PLEKHG1: variants seen among roughly 807,000 people sequenced by gnomAD.
PLEKHG1 encodes pleckstrin homology and RhoGEF domain containing G1, also known as pleckstrin homology domain-containing family G member 1.
In PLEKHG1, 44 loss-of-function variants were observed where a neutral mutation model predicts 100.8. The ratio of observed to expected loss-of-function variants is 0.44; its 90% CI spans 0.34 to 0.56. The LOEUF (loss-of-function observed/expected upper bound fraction) is 0.56. PLEKHG1 is among the 20% of genes least tolerant of loss of function. The pLI is 0.01. For synonymous variants in PLEKHG1, 640 were observed against 662.5 expected (o/e 0.97, Z 0.52); for missense variants, 1,545 against 1,720.9 (o/e 0.90, Z 1.81).
intron 15 of PLEKHG1, among the ~76,000 whole-genome samples, 189 bp from the exon 17 acceptor site, chr6:150,839,644 A>G (rs1777408945): frequency 1.3e-5 from 2 of 152,210 alleles, no homozygotes; most frequent in Admixed American, 1.3e-4. Flanking sequence ...ATTTTTATTT[A>G]TATTAAACCA....
At chr6:150,726,027 T>C (rs1392730280) in intron 1 of PLEKHG1, among the ~76,000 whole-genome samples, 3 of 152,188 alleles carry the variant, frequency 2.0e-5, no homozygotes, top group African/African-American at 7.2e-5. Flanking sequence ...GAAGGGCAAA[T>C]GCCACCTGAC....
chr6:150,634,489 A>G (rs1777908777), intron 1 of PLEKHG1, among the ~76,000 whole-genome samples: 2 of 152,208 alleles, frequency 1.3e-5, no homozygotes. Flanking sequence ...GACTTCCACA[A>G]GAAAACCACA....
chr6:150,834,791 T>C (rs2128690960), intron 15 of PLEKHG1, among the ~76,000 whole-genome samples: 1 of 152,226 alleles, frequency 6.6e-6, no homozygotes, highest in East Asian at 1.9e-4. Flanking sequence ...GAGGAGGAAA[T>C]CTCTCCCGAG....
chr6:150,740,739 A>C (rs1342020470), intron 2 of PLEKHG1, among the ~76,000 whole-genome samples: 1 of 152,176 alleles, frequency 6.6e-6, no homozygotes, highest in East Asian at 1.9e-4. Context: ...TTTTATGTGA[A>C]TGTGTCTATT....
intron 3 of PLEKHG1, among the ~76,000 whole-genome samples, chr6:150,783,761 T>C (rs538744486): frequency 5.5e-4 from 84 of 152,342 alleles, no homozygotes; most frequent in Admixed American, 1.2e-3. Context: ...TTATGTTTTA[T>C]TATGTTTTGT....
At chr6:150,800,612 G>A in intron 5 of PLEKHG1, 107 bp from the exon 7 acceptor site, 2 of 1,018,592 alleles carry the variant, frequency 2.0e-6, no homozygotes, top group South Asian at 3.1e-5. Flanking sequence ...CACAGCTCTG[G>A]AGCTACCCTA....
intron 2 of PLEKHG1, among the ~76,000 whole-genome samples, chr6:150,750,400 G>A (rs745568804): frequency 1.6e-4 from 24 of 152,146 alleles, no homozygotes; most frequent in South Asian, 6.2e-4. Context: ...CTCTGGGGCC[G>A]GGGTCCGTTT....
chr6:150,652,668 C>T (rs1045617195), intron 3 of PLEKHG1, among the ~76,000 whole-genome samples: 9 of 148,758 alleles, frequency 6.1e-5, no homozygotes, highest in African/African-American at 1.2e-4. Context: ...TGCAGTGAGC[C>T]GAGATCGCAC....
intron 3 of PLEKHG1, among the ~76,000 whole-genome samples, chr6:150,653,402 C>T (rs1329335344): frequency 1.3e-5 from 2 of 151,878 alleles, no homozygotes; most frequent in Non-Finnish European, 2.9e-5. Flanking sequence ...TCAGGCTCAC[C>T]CCCCACGTGT....
intron 3 of PLEKHG1, among the ~76,000 whole-genome samples, chr6:150,689,779 C>T (rs747943957): frequency 6.6e-6 from 1 of 150,804 alleles, no homozygotes; most frequent in Non-Finnish European, 1.5e-5. Flanking sequence ...CACTTGAACC[C>T]GGGAGGCAGA....
chr6:150,822,385 A>G (rs1776357974), intron 13 of PLEKHG1, among the ~76,000 whole-genome samples: 1 of 152,174 alleles, frequency 6.6e-6, no homozygotes, highest in African/African-American at 2.4e-5. Flanking sequence ...AAAATTTGGT[A>G]ATAGTCGTTT....
Position 150,600,841 on chromosome 6 carries a change from T to C in PLEKHG1, c.-204+824T>C, listed in dbSNP as rs1441657722. The C allele has an allele frequency of 6.6e-6, 1 of 152,224 alleles. No individual in the cohort carries two copies. Among genetic ancestry groups the C allele is most frequent in the East Asian group, 1.9e-4 (1 of 5,182 alleles). 9.4% of individuals were successfully genotyped at this position (152,224 alleles called of 1,614,324 possible). On this transcript the variant is annotated intron_variant, in intron 1 of 3. Coordinates refer to the PLEKHG1 transcript ENST00000367326. The surrounding 1 kb of genome is among the most constrained non-coding windows in gnomAD (Gnocchi z 6.2). ...AATTCATTCCGCTCCTCGGAAACAA[T>C]GAGCTGGATCCTTGACTTGAATGTG...
intron 2 of PLEKHG1, among the ~76,000 whole-genome samples, chr6:150,752,165 G>A (rs182982043): frequency 1.3e-5 from 2 of 152,152 alleles, no homozygotes; most frequent in East Asian, 1.9e-4. Flanking sequence ...TAGCCTGGGC[G>A]ACAGAGCGAG....
chr6:150,783,953 G>C (rs1418982283), intron 3 of PLEKHG1, among the ~76,000 whole-genome samples: 5 of 152,176 alleles, frequency 3.3e-5, no homozygotes, highest in Non-Finnish European at 7.3e-5. Flanking sequence ...CTTACTAGAA[G>C]ACAGCTGAAT....
chr6:150,766,923 C>G (rs1473632485), intron 2 of PLEKHG1, among the ~76,000 whole-genome samples: 7 of 152,132 alleles, frequency 4.6e-5, no homozygotes, highest in African/African-American at 1.2e-4. Context: ...CCACCCCTGC[C>G]CCGCCCCTCA....
chr6:150,784,515 C>T lies in PLEKHG1; in HGVS notation c.513-1875C>T, dbSNP rs547605863. On this transcript the variant is annotated intron_variant, in intron 3 of 15. Coordinates refer to ENST00000358517, the Ensembl canonical transcript of PLEKHG1. ...TTACTCTTACTCAGAAACTATTGCT[C>T]GATTTTGTAATCTCCCAAAGGAAGG... is the stretch of plus-strand genomic sequence containing the variant. Among the ~76,000 whole-genome samples the T allele has an allele frequency of 4.6e-5, 7 of 152,214 alleles. No homozygotes were observed. The East Asian group carries it at 1.2e-3, about 25-fold the overall frequency.
At chr6:150,784,204 A>G (rs1039188959) in intron 3 of PLEKHG1, among the ~76,000 whole-genome samples, 1 of 152,232 alleles carries the variant, frequency 6.6e-6, no homozygotes, top group Non-Finnish European at 1.5e-5. Context: ...ACATTTGCTC[A>G]GTGCATGAAA....
chr6:150,793,229 C>A (rs993250031), intron 4 of PLEKHG1, among the ~76,000 whole-genome samples: 1 of 152,028 alleles, frequency 6.6e-6, no homozygotes, highest in Non-Finnish European at 1.5e-5. Context: ...TATAGCAAGA[C>A]CCTGTCTCCA....
chr6:150,609,104 G>A (rs1776720706), intron 1 of PLEKHG1, among the ~76,000 whole-genome samples: 1 of 152,170 alleles, frequency 6.6e-6, no homozygotes, highest in South Asian at 2.1e-4. Flanking sequence ...GTGAGAGGGG[G>A]CAAAGGGAAC....
Sources: allele counts gnomAD v4.1 joint callset (sites outside exome capture counted in the v4.1 genomes callset), GRCh38; gene constraint gnomAD v4.1.1; non-coding constraint Gnocchi (gnomAD v3.1); transcripts MANE v1.5; gene names NCBI Gene and HGNC (gene_info 2026-07-23, HGNC 2026-07-21).